LIMA1: variants seen among roughly 807,000 people sequenced by gnomAD.
The protein encoded by LIMA1 is LIM domain and actin-binding protein 1.
In LIMA1, 52 loss-of-function variants were observed where a neutral mutation model predicts 62.6. The ratio of observed to expected loss-of-function variants is 0.83; its 90% confidence interval spans 0.67 to 1.05. The LOEUF (loss-of-function observed/expected upper bound fraction) is 1.05. LIMA1 is among the 50% of genes least tolerant of loss of function. The probability of loss-of-function intolerance (pLI) is 0.00; values close to 1 mark genes in which losing one functional copy is unlikely to be tolerated. For missense variants in LIMA1, 780 were observed against 902.2 expected (o/e 0.86, Z 1.74); for synonymous variants, 302 against 317.8 (o/e 0.95, Z 0.53).
rs750704800 is a variant in LIMA1, at chr12:50,222,338, G to A, written c.313C>T (p.Pro105Ser). ...TEIRHRADHP[P>S]AEVTSHAASG... ...GCAGCGTGGCTTGTCACTTCAGCAG[G>A]AGGATGGTCTGCTCTGTGCCTAATC... Residue 105 changes from proline to serine, a missense_variant, in exon 4 of 11, where the codon CCT becomes TCT. Pro to Ser is a moderately conservative substitution (Grantham distance 74, BLOSUM62 -1). Transcript: ENST00000341247. 13 of 1,614,008 alleles carry A rather than the reference G, an allele frequency of 8.1e-6. 1 individual carries two copies. In the South Asian group the frequency reaches 1.1e-4, roughly 14 times the overall value.
chr12:50,239,393 C>T (rs1463062972), intron 2 of LIMA1, among the ~76,000 whole-genome samples: 1 of 152,196 alleles, frequency 6.6e-6, no homozygotes, highest in Non-Finnish European at 1.5e-5. Context: ...AATCCCAGCA[C>T]TTTGGGAGGC....
Position 50,261,042 on chromosome 12 carries a change from A to ATATTTTTTTT in LIMA1, c.-23-12269_-23-12268insAAAAAAAATA, listed in dbSNP as rs1383547189. Among the ~76,000 whole-genome samples the ATATTTTTTTT allele has an allele frequency of 8.8e-4, 48 of 54,294 alleles. 1 individual carries two copies. The highest frequency in any genetic ancestry group is 5.7e-3 in the East Asian group (5 of 878). 35.6% of individuals were successfully genotyped at this position (54,294 alleles called of 152,430 possible). On this transcript the variant is annotated intron_variant, in intron 1 of 10. Transcript: ENST00000341247. ...CTTTTGCTTTTCTGCCATCTAGTAT[A>ATATTTTTTTT]TTTTTTTTTTTTTTTTTTTTTTTTT...
chr12:50,269,658 G>A (rs1942179946), intron 1 of LIMA1, among the ~76,000 whole-genome samples: 3 of 152,078 alleles, frequency 2.0e-5, no homozygotes, highest in Admixed American at 2.0e-4. Context: ...AGTGGCTCAT[G>A]CCTGTAATCT....
At chr12:50,270,000 C>A (rs1289156161) in intron 1 of LIMA1, among the ~76,000 whole-genome samples, 1 of 150,330 alleles carries the variant, frequency 6.7e-6, no homozygotes, top group Non-Finnish European at 1.5e-5. Context: ...TCTGGGAGGC[C>A]GAGGTGGGCG....
chr12:50,181,359 G>A (rs990916860), intron 10 of LIMA1, among the ~76,000 whole-genome samples: 5 of 152,148 alleles, frequency 3.3e-5, no homozygotes, highest in East Asian at 3.9e-4. Context: ...CCTTCTGTAA[G>A]ACTCTATGAT....
At chr12:50,185,049 T>C (rs950781939) in intron 9 of LIMA1, among the ~76,000 whole-genome samples, 4 of 152,248 alleles carry the variant, frequency 2.6e-5, no homozygotes, top group South Asian at 4.1e-4. Context: ...TCAGGCTGGT[T>C]TCTAACTCCT....
At chr12:50,210,878 G>A (rs2138512287) in intron 4 of LIMA1, among the ~76,000 whole-genome samples, 1 of 152,296 alleles carries the variant, frequency 6.6e-6, no homozygotes, top group South Asian at 2.1e-4. Context: ...AATAGGAAGA[G>A]AACTGTCTCT....
Position 50,267,047 on chromosome 12 carries a change from A to G in LIMA1, c.-24+16373T>C, listed in dbSNP as rs1043077103. 3.3e-5 allele frequency among the ~76,000 whole-genome samples: 5 copies of G among 151,884 alleles called. No individual in the cohort carries two copies. In the South Asian group the frequency reaches 1.0e-3, roughly 31 times the overall value. Reference sequence around the variant, plus strand: ...GTAGCTGGGATTACCGGGGCGTGCCACCATGCCCAGCTAATTTTTTTATTT... The same window carrying G: ...GTAGCTGGGATTACCGGGGCGTGCCGCCATGCCCAGCTAATTTTTTTATTT... On this transcript the variant is annotated intron_variant, in intron 1 of 10. Coordinates refer to ENST00000341247, the MANE Select transcript of LIMA1 (RefSeq NM_016357.5).
At chr12:50,272,634 T>C (rs978048197) in intron 1 of LIMA1, among the ~76,000 whole-genome samples, 1 of 148,570 alleles carries the variant, frequency 6.7e-6, no homozygotes, top group Non-Finnish European at 1.5e-5. Flanking sequence ...CACGTAACAA[T>C]GCCTTAATAA....
chr12:50,210,275 T>C lies in LIMA1; in HGVS notation c.631-4207A>G, dbSNP rs140930629. ...CCATCTCTACTAAAAATACAAAAAT[T>C]AGCTGAGCATGGTGGCACGTGCCTG... On this transcript the variant is annotated intron_variant, in intron 4 of 10. Transcript: ENST00000341247. Among the ~76,000 whole-genome samples the C allele has an allele frequency of 1.1e-3, 171 of 151,766 alleles. 4 individuals carry two copies. In the East Asian group the frequency reaches 0.029, roughly 25 times the overall value.
chr12:50,201,368 A>T, intron 6 of LIMA1: 1 of 984,006 alleles, frequency 1.0e-6, no homozygotes, highest in Non-Finnish European at 1.2e-6. Flanking sequence ...AAAAACTGAA[A>T]TTATATTTAA....
intron 10 of LIMA1, 151 bp downstream of exon 10, chr12:50,181,753 G>A (rs116682371): frequency 1.3e-6 from 1 of 765,516 alleles, no homozygotes; most frequent in Non-Finnish European, 2.0e-6. Context: ...TGGTATGAAA[G>A]ACTTGTCACT....
intron 1 of LIMA1, among the ~76,000 whole-genome samples, chr12:50,265,552 A>G (rs1942129695): frequency 6.6e-6 from 1 of 152,114 alleles, no homozygotes; most frequent in Admixed American, 6.6e-5. Flanking sequence ...TCACTATATA[A>G]TGGAAGTAGT....
intron 9 of LIMA1, chr12:50,187,543 A>G (rs1486034255): frequency 6.6e-6 from 1 of 152,214 alleles, no homozygotes; most frequent in African/African-American, 2.4e-5. Context: ...AGAGTGCTCT[A>G]CACAGAGAAG....
At chr12:50,183,310 A>C (rs1940548453) in intron 9 of LIMA1, among the ~76,000 whole-genome samples, 1 of 152,186 alleles carries the variant, frequency 6.6e-6, no homozygotes, top group African/African-American at 2.4e-5. Flanking sequence ...CCCAACACAA[A>C]CACCTCAACC....
intron 4 of LIMA1, among the ~76,000 whole-genome samples, chr12:50,209,955 G>A (rs777101374): frequency 8.6e-5 from 13 of 151,998 alleles, no homozygotes; most frequent in Non-Finnish European, 1.6e-4. Context: ...AAGCCACCGC[G>A]CCTGGCCCAC....
intron 9 of LIMA1, chr12:50,187,141 A>G (rs1940649632): frequency 6.6e-6 from 1 of 152,208 alleles, no homozygotes; most frequent in South Asian, 2.1e-4. Flanking sequence ...GTTGATTACC[A>G]TCTACTTAAA....
chr12:50,179,062 G>A (rs980482360), intron 10 of LIMA1, among the ~76,000 whole-genome samples: 2 of 150,548 alleles, frequency 1.3e-5, no homozygotes, highest in Admixed American at 6.7e-5. Flanking sequence ...TGCAACCTCC[G>A]CCTCCCAAGT....
At chr12:50,235,240 G>A (rs1941674473) in intron 2 of LIMA1, among the ~76,000 whole-genome samples, 1 of 148,674 alleles carries the variant, frequency 6.7e-6, no homozygotes, top group South Asian at 2.2e-4. Flanking sequence ...AGCCAAGAAA[G>A]AGTATTACAT....
Sources: gnomAD v4.1 joint callset for allele counts (sites outside exome capture counted in the v4.1 genomes callset) on GRCh38, gnomAD v4.1.1 for gene constraint, MANE v1.5 for transcripts, NCBI Gene and HGNC (gene_info 2026-07-23, HGNC 2026-07-21) for gene names.